Variants in CFAP251 observed in about 807,000 individuals in gnomAD.
The protein encoded by CFAP251 is cilia and flagella associated protein 251.
In CFAP251, 93 loss-of-function variants were observed where a neutral mutation model predicts 126.7. The ratio of observed to expected loss-of-function variants is 0.73; its 90% confidence interval spans 0.62 to 0.87. The LOEUF (loss-of-function observed/expected upper bound fraction) is 0.87. Ranked by LOEUF, CFAP251 falls within the 40% of genes least tolerant of loss-of-function variation. The pLI, the probability that CFAP251 is intolerant of heterozygous loss-of-function variation, is 0.00. For synonymous variants in CFAP251, 503 were observed against 506.9 expected, an observed-to-expected ratio of 0.99 and a Z score of 0.10; for missense variants, 1,287 against 1,389.2, an observed-to-expected ratio of 0.93 and a Z score of 1.17.
In CFAP251 at chr12:121,969,722, A is replaced by C. The variant is rs564160506; in HGVS notation, c.2771+1553A>C. ...AGGCTGGTCTTGAACTCATGGGCTC[A>C]AGCCTTGGGCACCTAAAGTGTTGGG... On this transcript the variant is annotated intron_variant, in intron 17 of 21. Transcript: ENST00000288912. 6 of 975,730 alleles carry C rather than the reference A, an allele frequency of 6.1e-6. No individual in the cohort carries two copies. The African/African-American group carries it at 1.1e-4, about 17-fold the overall frequency. 60.4% of individuals were successfully genotyped at this position (975,730 alleles called of 1,614,324 possible).
intron 17 of CFAP251, among the ~76,000 whole-genome samples, chr12:121,971,189 C>T (rs1423826140): frequency 6.6e-6 from 1 of 152,226 alleles, no homozygotes; most frequent in East Asian, 1.9e-4. Context: ...TGGGATTGGG[C>T]CTGGGCCTGG....
At chr12:121,946,465 C>T (rs1261597732) in intron 7 of CFAP251, among the ~76,000 whole-genome samples, 1 of 152,286 alleles carries the variant, frequency 6.6e-6, no homozygotes, top group Admixed American at 6.5e-5. Flanking sequence ...ATTCTGTTGT[C>T]TTCTGGTTTC....
At chr12:121,924,953 C>T (rs1235122414) in intron 3 of CFAP251, among the ~76,000 whole-genome samples, 2 of 151,788 alleles carry the variant, frequency 1.3e-5, no homozygotes, top group African/African-American at 2.4e-5. Flanking sequence ...CGCTTCCTCT[C>T]CCTCTTCTTC....
At chr12:121,930,032 G>C (rs996325093) in intron 3 of CFAP251, among the ~76,000 whole-genome samples, 20 of 152,248 alleles carry the variant, frequency 1.3e-4, no homozygotes, top group African/African-American at 4.6e-4. Context: ...GTCATAGTTG[G>C]AATCATGTAA....
rs1882176169 is a variant in CFAP251 at position 121,967,301 on chromosome 12, G to A, written c.2607+232G>A. On this transcript the variant is annotated intron_variant, in intron 16 of 21. Coordinates refer to ENST00000288912, the MANE Select transcript of CFAP251 (RefSeq NM_144668.6). Reference sequence around the variant, plus strand: ...CTATATTCCCAGTGAAGATACATGGGCCACCAAAGGATTTTTCCTTCTTAT... The same window carrying A: ...CTATATTCCCAGTGAAGATACATGGACCACCAAAGGATTTTTCCTTCTTAT... 2.0e-5 allele frequency among the ~76,000 whole-genome samples: 3 copies of A among 152,198 alleles called. No homozygotes were observed. In the South Asian group the frequency reaches 6.2e-4, roughly 31 times the overall value.
intron 17 of CFAP251, chr12:121,971,824 G>T: frequency 3.9e-6 from 2 of 514,434 alleles, no homozygotes; most frequent in Non-Finnish European, 7.1e-6. Context: ...TCCCGTGTAT[G>T]GTGGGAGGGA....
intron 14 of CFAP251, 39 bp downstream of exon 14, chr12:121,960,797 T>C: frequency 6.2e-7 from 1 of 1,606,330 alleles, no homozygotes; most frequent in Non-Finnish European, 8.5e-7. Context: ...TCGCCAAGAC[T>C]GTGTCTCACT....
intron 19 of CFAP251, among the ~76,000 whole-genome samples, chr12:121,984,945 C>A (rs1882709799): frequency 6.6e-6 from 1 of 152,148 alleles, no homozygotes; most frequent in Non-Finnish European, 1.5e-5. Flanking sequence ...CAGCAAGTGC[C>A]CACATGGTGG....
intron 3 of CFAP251, among the ~76,000 whole-genome samples, chr12:121,928,660 ATATATATACG>A (rs1232826019): frequency 0.011 from 625 of 56,926 alleles, 24 homozygotes; most frequent in East Asian, 0.057. Flanking sequence ...ATATATACGT[ATATATATACG>A]TATATATATA....
chr12:121,941,154 C>T (rs1410165060), intron 5 of CFAP251, among the ~76,000 whole-genome samples: 3 of 151,882 alleles, frequency 2.0e-5, no homozygotes, highest in Non-Finnish European at 2.9e-5. Context: ...CCTCAGCTTC[C>T]CGAGTAGCTG....
At chr12:121,953,331 G>GC (rs1170864185) in intron 9 of CFAP251, 1 of 152,212 alleles carries the variant, frequency 6.6e-6, no homozygotes, top group Non-Finnish European at 1.5e-5. Context: ...AGAAGGCGGA[G>GC]CATTGCCCTG....
At chr12:121,981,610 G>A (rs759158001) in intron 19 of CFAP251, among the ~76,000 whole-genome samples, 15 of 152,318 alleles carry the variant, frequency 9.8e-5, no homozygotes, top group Middle Eastern at 3.4e-3. Flanking sequence ...CCCTTCCTCA[G>A]CCAGGGAGAG....
intron 15 of CFAP251, among the ~76,000 whole-genome samples, chr12:121,964,757 G>C (rs1414869087): frequency 1.3e-5 from 2 of 152,086 alleles, no homozygotes; most frequent in African/African-American, 4.8e-5. Flanking sequence ...AAAATTAGCC[G>C]GGCGTGGTGG....
rs776740794 is a variant in CFAP251, at chr12:121,958,978, G to A, written c.2017G>A (p.Val673Ile). Residue 673 changes from valine to isoleucine, a missense_variant, in exon 13 of 22, where the codon GTT becomes ATT. Val to Ile is a conservative substitution (Grantham distance 29). Transcript: ENST00000288912. ...TGGAGCTGGCTTTACAGAGGGGACA[G>A]TTTACATTCTTGATGCAATGTCTTT... ...LLGAGFTEGT[V>I]YILDAMSLEN... The A allele has an allele frequency of 1.2e-5, 19 of 1,608,592 alleles. No individual in the cohort carries two copies. In the South Asian group the frequency reaches 2.1e-4, roughly 18 times the overall value.
intron 7 of CFAP251, among the ~76,000 whole-genome samples, chr12:121,945,736 G>T (rs1308861290): frequency 6.6e-6 from 1 of 151,524 alleles, no homozygotes; most frequent in Non-Finnish European, 1.5e-5. Context: ...CGCAATCTTG[G>T]CTCACCGCAA....
intron 18 of CFAP251, 59 bp from the exon 19 acceptor site, chr12:121,975,483 A>G (rs988215251): frequency 1.2e-6 from 2 of 1,600,550 alleles, no homozygotes. Flanking sequence ...TGAAGTGTTC[A>G]TGGATGCTTC....
intron 5 of CFAP251, among the ~76,000 whole-genome samples, chr12:121,942,143 G>A (rs531677690): frequency 2.6e-5 from 4 of 152,146 alleles, no homozygotes; most frequent in Admixed American, 6.5e-5. Context: ...TAAAGCATAC[G>A]GTTCGGTGAC....
intron 5 of CFAP251, among the ~76,000 whole-genome samples, chr12:121,935,897 G>C (rs569920610): frequency 4.6e-5 from 7 of 152,134 alleles, no homozygotes; most frequent in Non-Finnish European, 8.8e-5. Flanking sequence ...AGTCTCTCTG[G>C]TATCAAGGTT....
At chr12:121,961,434 C>T (rs1881937162) in intron 14 of CFAP251, among the ~76,000 whole-genome samples, 1 of 151,884 alleles carries the variant, frequency 6.6e-6, no homozygotes, top group African/African-American at 2.4e-5. Context: ...CCATTCTGCC[C>T]TGCCCACGGA....
Sources: allele counts gnomAD v4.1 joint callset (sites outside exome capture counted in the v4.1 genomes callset), GRCh38; gene constraint gnomAD v4.1.1; transcripts MANE v1.5; gene names NCBI Gene and HGNC (gene_info 2026-07-23, HGNC 2026-07-21).